Variants in IL4R observed in about 807,000 individuals in gnomAD.
IL4R encodes the protein interleukin-4 receptor subunit alpha.
IL4R carries 17 observed loss-of-function variants against 41.5 expected under a neutral mutation model. The ratio of observed to expected loss-of-function variants is 0.41; its 90% CI spans 0.28 to 0.61. The LOEUF (loss-of-function observed/expected upper bound fraction) is 0.61. IL4R is among the 20% of genes least tolerant of loss of function. The pLI is 0.31. For synonymous variants in IL4R, 402 were observed against 422.9 expected, an observed-to-expected ratio of 0.95 and a Z score of 0.61; for missense variants, 974 against 1,043.1, an observed-to-expected ratio of 0.93 and a Z score of 0.91.
chr16:27,316,300 G>A (rs527497808), intron 1 of IL4R, among the ~76,000 whole-genome samples: 41 of 152,306 alleles, frequency 2.7e-4, no homozygotes, highest in African/African-American at 9.6e-4. Context: ...AGCCCAGGTG[G>A]TCAAGGCTGC....
At chr16:27,346,365 AC>A (rs1429596437) in intron 5 of IL4R, 101 bp from the exon 6 acceptor site, 2 of 1,196,826 alleles carry the variant, frequency 1.7e-6, no homozygotes, top group Non-Finnish European at 2.4e-6. Flanking sequence ...GGTTTTGTCG[AC>A]CAAAAATCTG....
rs549906364 is a variant in IL4R at position 27,314,100 on chromosome 16, T to C, written c.-152+80T>C. The C allele has an allele frequency of 6.1e-6, 6 of 983,958 alleles. No homozygotes were observed. In the South Asian group the frequency reaches 2.8e-4, roughly 46 times the overall value. 61.0% of individuals were successfully genotyped at this position (983,958 alleles called of 1,614,324 possible). On this transcript the variant is annotated intron_variant, in intron 1 of 10. Coordinates refer to ENST00000395762, the MANE Select transcript of IL4R (RefSeq NM_000418.4). ...CCGGCTGAGGGCGTTCGGGAAGGGC[T>C]CGGCCGCCGGCGGGGACCACGGGGA...
chr16:27,325,811 AGGGAGGGTCTTCCC>A (rs1484798135), intron 1 of IL4R, among the ~76,000 whole-genome samples: 1 of 151,954 alleles, frequency 6.6e-6, no homozygotes, highest in Non-Finnish European at 1.5e-5. Flanking sequence ...CTCTAGGATG[AGGGAGGGTCTTCCC>A]TGAGCGCCTG....
At chr16:27,316,459 C>A (rs1425749411) in intron 1 of IL4R, among the ~76,000 whole-genome samples, 2 of 152,208 alleles carry the variant, frequency 1.3e-5, no homozygotes, top group African/African-American at 2.4e-5. Context: ...CCATCTGGGA[C>A]GATGGAGGAG....
At chr16:27,335,230 G>A (rs1350534798) in intron 2 of IL4R, among the ~76,000 whole-genome samples, 1 of 152,110 alleles carries the variant, frequency 6.6e-6, no homozygotes, top group African/African-American at 2.4e-5. Context: ...AGATCACTTG[G>A]TGAAGGTGGT....
At position 27,362,714 on chromosome 16, in the gene IL4R, G is replaced by C; in HGVS notation, c.1362G>C (p.Lys454Asn). Reference sequence around the variant, plus strand: ...ATGAGTTCCCAAGTGCAGGGCCCAAGGAGGCACCTCCCTGGGGCAAGGAGC... The same window carrying C: ...ATGAGTTCCCAAGTGCAGGGCCCAACGAGGCACCTCCCTGGGGCAAGGAGC... ...PWDEFPSAGP[K>N]EAPPWGKEQP... is the part of the protein sequence containing the mutation. Residue 454 changes from lysine to asparagine, a missense_variant, in exon 11 of 11, where the codon AAG becomes AAC. This residue lies in a region of IL4R where 682 missense variants were observed against 704.3 expected (regional missense o/e 0.97). Transcript: ENST00000395762. 1 of 1,614,162 alleles carries C rather than the reference G, an allele frequency of 6.2e-7. No homozygotes were observed. Among genetic ancestry groups the C allele is most frequent in the Non-Finnish European group, 8.5e-7 (1 of 1,180,022 alleles).
At chr16:27,339,777 G>A (rs1159378569) in intron 2 of IL4R, among the ~76,000 whole-genome samples, 1 of 152,132 alleles carries the variant, frequency 6.6e-6, no homozygotes, top group Non-Finnish European at 1.5e-5. Context: ...GGGCATGGCT[G>A]GGCAGCCGCA....
chr16:27,342,521 G>A (rs906933757), intron 4 of IL4R, among the ~76,000 whole-genome samples: 2 of 152,118 alleles, frequency 1.3e-5, no homozygotes, highest in Non-Finnish European at 2.9e-5. Context: ...ACACTTTTTG[G>A]TCTCAGGACC....
In IL4R at chr16:27,363,675, CTG is replaced by C; in HGVS notation, c.2327_2328del (p.Cys776SerfsTer14). Reference protein sequence around the residue: ...SPGGVPLEASLCPASLAPSGI... With the variant: ...SPGGVPLEASXCPASLAPSGI... The stretch of plus-strand genomic sequence containing the variant: ...AGGTGGGGTTCCACTGGAGGCCAGT[CTG>C]TGTCCGGCCTCCCTGGCACCCTCGG... On this transcript the variant is annotated frameshift_variant, in exon 11 of 11. Transcript: ENST00000395762. LOFTEE classifies it low-confidence loss of function (END_TRUNC). 2 of 1,613,946 alleles carry C rather than the reference CTG, an allele frequency of 1.2e-6. No individual in the cohort carries two copies. Among genetic ancestry groups the C allele is most frequent in the Non-Finnish European group, 1.7e-6 (2 of 1,180,014 alleles).
chr16:27,331,698 C>G (rs1039710651), intron 2 of IL4R, among the ~76,000 whole-genome samples: 1 of 152,124 alleles, frequency 6.6e-6, no homozygotes. Context: ...ATTGACAGCA[C>G]TGTTCAAGTC....
At chr16:27,353,356 A>C (rs2085946229) in intron 7 of IL4R, among the ~76,000 whole-genome samples, 1 of 152,194 alleles carries the variant, frequency 6.6e-6, no homozygotes, top group Non-Finnish European at 1.5e-5. Flanking sequence ...ATAAAATAAA[A>C]TAAATAGAAC....
At chr16:27,352,494 C>T (rs1466579473) in intron 6 of IL4R, 46 bp from the exon 7 acceptor site, 1 of 1,580,516 alleles carries the variant, frequency 6.3e-7, no homozygotes, top group African/African-American at 1.3e-5. Flanking sequence ...GCACTGGTGC[C>T]CCTCGCCCCC....
Position 27,341,915 on chromosome 16 carries a change from A to T in IL4R, c.71-206A>T, listed in dbSNP as rs186881537. The T allele has an allele frequency of 7.1e-6, 4 of 566,636 alleles. No homozygotes were observed. The East Asian group carries it at 1.2e-4, about 17-fold the overall frequency. The allele number at this position is 566,636 out of a possible 1,614,324, so 35.1% of individuals were successfully genotyped here. A position where few individuals can be genotyped will look rare whatever the true frequency, so the allele number is the denominator to read the frequency against. Reference sequence around the variant, plus strand: ...TTCTTGTCTAATGGCCCCCGCACCCATGGGTATTTCTTCAGCTTCCACAGT... The same window carrying T: ...TTCTTGTCTAATGGCCCCCGCACCCTTGGGTATTTCTTCAGCTTCCACAGT... On this transcript the variant is annotated intron_variant, in intron 3 of 10. Coordinates refer to ENST00000395762, the MANE Select transcript of IL4R (RefSeq NM_000418.4).
chr16:27,363,923 A>C lies in IL4R; in HGVS notation c.*93A>C. The C allele has an allele frequency of 7.0e-7, 1 of 1,419,646 alleles. No homozygotes were observed. 87.9% of individuals were successfully genotyped at this position (1,419,646 alleles called of 1,614,324 possible). A position where few individuals can be genotyped will look rare whatever the true frequency, so the allele number is the denominator to read the frequency against. The stretch of plus-strand genomic sequence containing the variant: ...CCTCCTGGAAGGCAGCCAGGCTGGC[A>C]GATTTCCAAAAGACTTGAAGAACCA... On this transcript the variant is annotated 3_prime_UTR_variant, in exon 11 of 11. Transcript: ENST00000395762.
chr16:27,343,415 G>T lies in IL4R; in HGVS notation c.209+1156G>T, dbSNP rs79657941. 2.4e-3 allele frequency among the ~76,000 whole-genome samples: 301 copies of T among 124,948 alleles called. 1 individual carries two copies. The highest frequency in any genetic ancestry group is 7.1e-3 in the African/African-American group (244 of 34,272). 82.0% of individuals were successfully genotyped at this position (124,948 alleles called of 152,430 possible). A position where few individuals can be genotyped will look rare whatever the true frequency, so the allele number is the denominator to read the frequency against. ...TGCATGGCCCTCCTTTATGTTTTTT[G>T]TTTGTTTGTTTGTTTGTTTGTTTTC... is the stretch of plus-strand genomic sequence containing the variant. On this transcript the variant is annotated intron_variant, in intron 4 of 10. Coordinates refer to ENST00000395762, the MANE Select transcript of IL4R (RefSeq NM_000418.4).
chr16:27,338,006 G>T (rs1370233430), intron 2 of IL4R, among the ~76,000 whole-genome samples: 1 of 149,666 alleles, frequency 6.7e-6, no homozygotes, highest in African/African-American at 2.5e-5. Context: ...ACCCAGGCTG[G>T]AGTGCAATGG....
At chr16:27,316,940 A>C (rs952306247) in intron 1 of IL4R, among the ~76,000 whole-genome samples, 1 of 143,580 alleles carries the variant, frequency 7.0e-6, no homozygotes, top group South Asian at 2.2e-4. Context: ...GTCTCTCTCT[A>C]TTTCCCAGGC....
intron 1 of IL4R, among the ~76,000 whole-genome samples, chr16:27,322,633 C>A (rs1431503473): frequency 6.6e-6 from 1 of 152,050 alleles, no homozygotes; most frequent in Non-Finnish European, 1.5e-5. Context: ...TCACTTGAGA[C>A]CAGGAATTCA....
intron 1 of IL4R, among the ~76,000 whole-genome samples, chr16:27,327,986 C>G (rs367808185): frequency 0.011 from 1,656 of 151,766 alleles, 32 homozygotes; most frequent in African/African-American, 0.034. Flanking sequence ...CTGAGGCAGG[C>G]GGATCAGGAG....
Sources: allele counts gnomAD v4.1 joint callset (sites outside exome capture counted in the v4.1 genomes callset), GRCh38; gene constraint gnomAD v4.1.1; regional missense constraint gnomAD v4.1.1; transcripts MANE v1.5; gene names NCBI Gene and HGNC (gene_info 2026-07-23, HGNC 2026-07-21).